ARMH3: variants seen among roughly 807,000 people sequenced by gnomAD.
ARMH3 encodes the protein armadillo-like helical domain-containing protein 3.
ARMH3 carries 60 observed loss-of-function variants against 99.1 expected under a neutral mutation model. That is an observed-to-expected ratio of 0.61 (90% CI 0.49 to 0.75). The LOEUF (loss-of-function observed/expected upper bound fraction) is 0.75, where lower values mean the gene tolerates loss of function less well. Among genes scored for constraint, ARMH3 ranks in the 30% least tolerant of loss-of-function variants. The pLI is 0.00. For synonymous variants in ARMH3, 285 were observed against 292.8 expected, an observed-to-expected ratio of 0.97 and a Z score of 0.27; for missense variants, 679 against 843.1, an observed-to-expected ratio of 0.81 and a Z score of 2.41.
intron 24 of ARMH3, among the ~76,000 whole-genome samples, chr10:101,864,070 A>ACAC (rs1375537907): frequency 1.8e-3 from 239 of 132,936 alleles, no homozygotes; most frequent in Middle Eastern, 3.6e-3. Flanking sequence ...CAAAAAAAAA[A>ACAC]AAAAAAAAAC....
chr10:101,902,866 T>C (rs2068014321), intron 23 of ARMH3, among the ~76,000 whole-genome samples: 1 of 152,096 alleles, frequency 6.6e-6, no homozygotes, highest in African/African-American at 2.4e-5. Flanking sequence ...ACATTCATCA[T>C]AATAGTGCAA....
At chr10:101,953,718 T>C (rs1234496159) in intron 22 of ARMH3, among the ~76,000 whole-genome samples, 2 of 151,542 alleles carry the variant, frequency 1.3e-5, no homozygotes, top group African/African-American at 2.4e-5. Flanking sequence ...AACAAAAAAG[T>C]GGAGAATATC....
chr10:101,962,204 G>A (rs1845326967), intron 20 of ARMH3, among the ~76,000 whole-genome samples: 1 of 152,222 alleles, frequency 6.6e-6, no homozygotes, highest in African/African-American at 2.4e-5. Context: ...GTAAGGGCAA[G>A]CTTGGTAGTT....
chr10:101,880,705 G>A (rs369750548), intron 24 of ARMH3, among the ~76,000 whole-genome samples: 8 of 152,014 alleles, frequency 5.3e-5, no homozygotes, highest in Non-Finnish European at 1.2e-4. Flanking sequence ...AAGGACCAAC[G>A]ACTCTCAAGC....
chr10:101,881,718 G>A (rs967618795), intron 24 of ARMH3, among the ~76,000 whole-genome samples: 1 of 152,150 alleles, frequency 6.6e-6, no homozygotes, highest in Admixed American at 6.5e-5. Context: ...GGATTATGGA[G>A]GCTGTGATTA....
chr10:101,861,752 G>T (rs2066875400), intron 24 of ARMH3, among the ~76,000 whole-genome samples: 1 of 118,620 alleles, frequency 8.4e-6, no homozygotes, highest in Admixed American at 8.7e-5. Context: ...AAAAAAAAAG[G>T]CTGGGCGCAG....
At chr10:101,942,377 A>T (rs1352320173) in intron 22 of ARMH3, among the ~76,000 whole-genome samples, 5 of 152,344 alleles carry the variant, frequency 3.3e-5, no homozygotes, top group African/African-American at 9.6e-5. Context: ...AGAACCAAGG[A>T]ATTATAAGAT....
At chr10:101,950,295 T>C (rs1251736872) in intron 22 of ARMH3, among the ~76,000 whole-genome samples, 1 of 152,048 alleles carries the variant, frequency 6.6e-6, no homozygotes, top group Non-Finnish European at 1.5e-5. Flanking sequence ...AATAGCAAGA[T>C]AACAGGACAC....
chr10:101,942,494 T>G (rs1844286530), intron 22 of ARMH3, among the ~76,000 whole-genome samples: 1 of 152,226 alleles, frequency 6.6e-6, no homozygotes, highest in Non-Finnish European at 1.5e-5. Flanking sequence ...CTGGGTAGCT[T>G]CTGTGGAAGT....
At chr10:101,980,163 T>C (rs1846164325) in intron 19 of ARMH3, among the ~76,000 whole-genome samples, 1 of 152,190 alleles carries the variant, frequency 6.6e-6, no homozygotes, top group South Asian at 2.1e-4. Context: ...TCAACAAATC[T>C]TGACTGTATA....
chr10:101,955,632 G>C (rs888518882), intron 22 of ARMH3, among the ~76,000 whole-genome samples: 2 of 152,144 alleles, frequency 1.3e-5, no homozygotes, highest in African/African-American at 4.8e-5. Context: ...TGATACAGGA[G>C]TCCCAAGGAG....
intron 9 of ARMH3, 50 bp from the exon 10 acceptor site, chr10:102,012,926 G>A: frequency 6.7e-7 from 1 of 1,501,168 alleles, no homozygotes; most frequent in Non-Finnish European, 9.1e-7. Context: ...GCCTTTGGGA[G>A]TTGGTGATGA....
intron 19 of ARMH3, among the ~76,000 whole-genome samples, chr10:101,987,416 T>G (rs572562598): frequency 2.0e-5 from 3 of 152,264 alleles, no homozygotes; most frequent in East Asian, 3.9e-4. Flanking sequence ...GCATAGTCAC[T>G]CTATACAAAT....
chr10:101,966,421 C>T (rs1005228949), intron 20 of ARMH3, among the ~76,000 whole-genome samples: 10 of 150,730 alleles, frequency 6.6e-5, no homozygotes, highest in African/African-American at 2.2e-4. Flanking sequence ...GGATTACAGG[C>T]GCCCGCCACC....
At chr10:102,007,638 G>A (rs1367220230) in intron 13 of ARMH3, among the ~76,000 whole-genome samples, 2 of 127,158 alleles carry the variant, frequency 1.6e-5, no homozygotes, top group Non-Finnish European at 1.6e-5. Flanking sequence ...GGCTAACACA[G>A]TGAAACTCTG....
intron 24 of ARMH3, among the ~76,000 whole-genome samples, chr10:101,865,542 G>A (rs1031382221): frequency 1.3e-5 from 2 of 151,994 alleles, no homozygotes; most frequent in African/African-American, 4.8e-5. Flanking sequence ...AGGGTAGAGG[G>A]TAGTGGCATG....
At chr10:101,861,622 T>C (rs966682118) in intron 24 of ARMH3, among the ~76,000 whole-genome samples, 12 of 147,982 alleles carry the variant, frequency 8.1e-5, no homozygotes, top group Non-Finnish European at 1.8e-4. Context: ...CCTAGCTACT[T>C]GGGAGGCTGA....
chr10:101,875,761 A>T (rs1400154009), intron 24 of ARMH3, among the ~76,000 whole-genome samples: 1 of 152,170 alleles, frequency 6.6e-6, no homozygotes, highest in Non-Finnish European at 1.5e-5. Flanking sequence ...TGGTGACATG[A>T]CTTTAATTTC....
intron 2 of ARMH3, among the ~76,000 whole-genome samples, chr10:102,035,921 G>C (rs1447560768): frequency 1.3e-5 from 2 of 151,938 alleles, no homozygotes; most frequent in Non-Finnish European, 2.9e-5. Context: ...GAAGTGAGGA[G>C]CGCCTCTTCC....
Sources: gnomAD v4.1 joint callset for allele counts (sites outside exome capture counted in the v4.1 genomes callset) on GRCh38, gnomAD v4.1.1 for gene constraint, MANE v1.5 for transcripts, NCBI Gene and HGNC (gene_info 2026-07-23, HGNC 2026-07-21) for gene names.